STK39: variants seen among roughly 807,000 people sequenced by gnomAD.
STK39 encodes STE20/SPS1-related proline-alanine-rich protein kinase.
STK39 carries 20 observed loss-of-function variants against 77.8 expected under a neutral mutation model. That is an observed-to-expected ratio of 0.26 (90% CI 0.18 to 0.37). The LOEUF is 0.37. Ranked by LOEUF, STK39 falls within the 10% of genes least tolerant of loss-of-function variation. STK39 has a pLI of 1.00. For missense variants in STK39, 479 were observed against 656.5 expected, an observed-to-expected ratio of 0.73 and a Z score of 2.95; for synonymous variants, 246 against 234.1, an observed-to-expected ratio of 1.05 and a Z score of -0.47.
intron 1 of STK39, among the ~76,000 whole-genome samples, chr2:168,224,642 G>C (rs1690259651): frequency 6.6e-6 from 1 of 152,180 alleles, no homozygotes; most frequent in Non-Finnish European, 1.5e-5. Context: ...GGATTTAAGA[G>C]ATTTTTCTCC....
intron 10 of STK39, among the ~76,000 whole-genome samples, chr2:168,110,660 C>T (rs892374953): frequency 3.9e-5 from 6 of 152,144 alleles, no homozygotes; most frequent in Admixed American, 3.9e-4. Flanking sequence ...TTTCCTTATA[C>T]CTGAGGGTCT....
intron 10 of STK39, among the ~76,000 whole-genome samples, chr2:168,083,822 A>G (rs898275795): frequency 3.3e-5 from 5 of 152,034 alleles, no homozygotes; most frequent in African/African-American, 1.2e-4. Flanking sequence ...TATAGGAGGC[A>G]AGCAGAAAAT....
intron 16 of STK39, among the ~76,000 whole-genome samples, chr2:167,997,208 A>T (rs746240931): frequency 1.3e-5 from 2 of 151,788 alleles, no homozygotes; most frequent in Non-Finnish European, 2.9e-5. Context: ...TGTGGACTAT[A>T]AGTAGGACAA....
chr2:168,122,398 G>A (rs1429258050), intron 10 of STK39, among the ~76,000 whole-genome samples: 1 of 152,114 alleles, frequency 6.6e-6, no homozygotes, highest in Non-Finnish European at 1.5e-5. Context: ...GTATTCCATA[G>A]TGTATATGTA....
At chr2:168,142,624 C>T (rs3769404) in intron 5 of STK39, among the ~76,000 whole-genome samples, 57,836 of 151,864 alleles carry the variant, frequency 0.38, 11,935 homozygotes, top group East Asian at 0.67. Context: ...AGAAAACAGC[C>T]GAAAAAGATG....
intron 10 of STK39, among the ~76,000 whole-genome samples, chr2:168,111,831 CA>C (rs1687127734): frequency 6.6e-6 from 1 of 152,136 alleles, no homozygotes; most frequent in Non-Finnish European, 1.5e-5. Flanking sequence ...TCAATTTCCA[CA>C]GAAAAAAACC....
At chr2:168,129,814 G>A in intron 8 of STK39, 56 bp from the exon 9 acceptor site, 1 of 1,580,608 alleles carries the variant, frequency 6.3e-7, no homozygotes, top group East Asian at 2.2e-5. Context: ...TAAATGCACT[G>A]CCTTGATGAA....
At chr2:168,184,713 T>G (rs1281679559) in intron 1 of STK39, among the ~76,000 whole-genome samples, 1 of 152,094 alleles carries the variant, frequency 6.6e-6, no homozygotes, top group Non-Finnish European at 1.5e-5. Flanking sequence ...CAAAATCAAC[T>G]AACTGGGTGG....
intron 10 of STK39, among the ~76,000 whole-genome samples, chr2:168,109,474 C>A (rs564540072): frequency 6.6e-6 from 1 of 152,172 alleles, no homozygotes; most frequent in African/African-American, 2.4e-5. Flanking sequence ...TACTCATTCT[C>A]CTCTGGGCTA....
intron 16 of STK39, among the ~76,000 whole-genome samples, chr2:167,976,386 A>G (rs1303019709): frequency 6.6e-6 from 1 of 152,202 alleles, no homozygotes; most frequent in Non-Finnish European, 1.5e-5. Context: ...GGCTTAGGCC[A>G]GCTAACTTTG....
chr2:168,219,213 G>A (rs1690101112), intron 1 of STK39, among the ~76,000 whole-genome samples: 1 of 151,998 alleles, frequency 6.6e-6, no homozygotes. Flanking sequence ...TTGAACTCAG[G>A]AGGTGGAGGT....
At chr2:167,994,942 T>C (rs977338397) in intron 16 of STK39, among the ~76,000 whole-genome samples, 1 of 152,004 alleles carries the variant, frequency 6.6e-6, no homozygotes, top group African/African-American at 2.4e-5. Context: ...AGAAGCCAGA[T>C]GGAAAAATAT....
chr2:168,077,318 T>C (rs1251478792), intron 10 of STK39, among the ~76,000 whole-genome samples: 1 of 152,186 alleles, frequency 6.6e-6, no homozygotes, highest in Non-Finnish European at 1.5e-5. Context: ...TCTGGCTCTA[T>C]GTTTACAAGC....
rs187369964 is a variant in STK39 at position 167,986,027 on chromosome 2, A to G, written c.1499-21301T>C. Among the ~76,000 whole-genome samples the G allele has an allele frequency of 2.1e-3, 316 of 152,322 alleles. 2 individuals carry two copies. Among genetic ancestry groups the G allele is most frequent in the Admixed American group, 4.6e-3 (70 of 15,298 alleles). On this transcript the variant is annotated intron_variant, in intron 16 of 17. Transcript: ENST00000355999. ...GTCACAGTTTTTCTAAGTCTCCACT[A>G]ATATTTCTCTAGGTTGGAATTCACC...
chr2:168,239,892 T>C (rs1220989433), intron 1 of STK39, among the ~76,000 whole-genome samples: 2 of 152,176 alleles, frequency 1.3e-5, no homozygotes, highest in Non-Finnish European at 2.9e-5. Flanking sequence ...CAGAGATTGT[T>C]TGTGTGACAA....
At chr2:168,169,533 T>G (rs557291564) in intron 2 of STK39, among the ~76,000 whole-genome samples, 1 of 152,136 alleles carries the variant, frequency 6.6e-6, no homozygotes, top group Non-Finnish European at 1.5e-5. Flanking sequence ...AAGGCAAGGT[T>G]GAGTCAGTCT....
chr2:168,107,795 T>C (rs1460204192), intron 10 of STK39, among the ~76,000 whole-genome samples: 2 of 152,242 alleles, frequency 1.3e-5, no homozygotes, highest in African/African-American at 4.8e-5. Context: ...ACTGTAACAC[T>C]GTTCATAGTG....
At chr2:168,139,046 T>C (rs1034850420) in intron 7 of STK39, among the ~76,000 whole-genome samples, 2 of 152,184 alleles carry the variant, frequency 1.3e-5, no homozygotes, top group African/African-American at 4.8e-5. Context: ...TTTCAAACAC[T>C]TTCAGATGTG....
chr2:168,005,645 G>A (rs16854519), intron 16 of STK39, among the ~76,000 whole-genome samples: 16,623 of 152,088 alleles, frequency 0.11, 3,051 homozygotes, highest in African/African-American at 0.38. Flanking sequence ...GATGCCTTCA[G>A]CCTCCACACA....
Sources: gnomAD v4.1 joint callset for allele counts (sites outside exome capture counted in the v4.1 genomes callset) on GRCh38, gnomAD v4.1.1 for gene constraint, MANE v1.5 for transcripts, NCBI Gene and HGNC (gene_info 2026-07-23, HGNC 2026-07-21) for gene names.